The following LSAMP variants were observed in gnomAD, a reference collection of about 807,000 sequenced individuals.
The protein encoded by LSAMP is limbic system associated membrane protein.
Under a neutral mutation model 38.6 loss-of-function variants are expected in LSAMP, and 7 were observed. The observed-to-expected ratio is 0.18, with a 90% CI of 0.10 to 0.34. The LOEUF (loss-of-function observed/expected upper bound fraction) is 0.34. Among genes scored for constraint, LSAMP ranks in the 10% least tolerant of loss-of-function variants. The probability of loss-of-function intolerance (pLI) is 1.00; values close to 1 mark genes in which losing one functional copy is unlikely to be tolerated. For missense variants in LSAMP, 313 were observed against 420.0 expected (o/e 0.75, Z 2.23); for synonymous variants, 154 against 166.8 (o/e 0.92, Z 0.59).
At chr3:116,251,151 C>T (rs891874614) in intron 1 of LSAMP, among the ~76,000 whole-genome samples, 2 of 152,146 alleles carry the variant, frequency 1.3e-5, no homozygotes, top group African/African-American at 4.8e-5. Flanking sequence ...AAACGTGTCC[C>T]TCCCATTTGG....
At chr3:116,026,133 TA>T (rs1940786729) in intron 2 of LSAMP, among the ~76,000 whole-genome samples, 1 of 152,166 alleles carries the variant, frequency 6.6e-6, no homozygotes, top group Non-Finnish European at 1.5e-5. Flanking sequence ...ATTTCTGAAA[TA>T]ATGCCAAAAT....
intron 3 of LSAMP, among the ~76,000 whole-genome samples, chr3:115,858,485 G>A (rs984543633): frequency 1.1e-4 from 17 of 152,062 alleles, no homozygotes; most frequent in African/African-American, 4.1e-4. Context: ...AGTATGTTAG[G>A]AAATGAATGG....
intron 1 of LSAMP, among the ~76,000 whole-genome samples, chr3:116,424,542 G>A (rs1483927079): frequency 2.6e-5 from 4 of 152,186 alleles, no homozygotes; most frequent in Non-Finnish European, 5.9e-5. Flanking sequence ...CCAGAATACG[G>A]CAGTACATGG....
chr3:115,919,746 G>A (rs765110448), intron 3 of LSAMP, among the ~76,000 whole-genome samples: 1 of 152,074 alleles, frequency 6.6e-6, no homozygotes, highest in Non-Finnish European at 1.5e-5. Flanking sequence ...CGAGTAGCTG[G>A]GATTACAGGC....
intron 1 of LSAMP, among the ~76,000 whole-genome samples, chr3:116,129,518 T>A (rs1258456864): frequency 6.6e-6 from 1 of 152,170 alleles, no homozygotes; most frequent in East Asian, 1.9e-4. Flanking sequence ...CACACCACAG[T>A]TATGTGAAGG....
At chr3:116,350,672 A>G (rs771481651) in intron 1 of LSAMP, among the ~76,000 whole-genome samples, 1 of 151,576 alleles carries the variant, frequency 6.6e-6, no homozygotes, top group Non-Finnish European at 1.5e-5. Flanking sequence ...ATAAGTAGTG[A>G]TGCTAGCAAT....
chr3:116,124,951 G>A (rs1030134009), intron 1 of LSAMP, among the ~76,000 whole-genome samples: 3 of 152,162 alleles, frequency 2.0e-5, no homozygotes, highest in African/African-American at 7.2e-5. Flanking sequence ...GGATAAATCC[G>A]ATAACAGTGT....
chr3:116,227,773 T>G (rs979255477), intron 1 of LSAMP, among the ~76,000 whole-genome samples: 16 of 152,260 alleles, frequency 1.1e-4, no homozygotes, highest in Non-Finnish European at 2.1e-4. Flanking sequence ...AACAGAAGAA[T>G]GGAAATAATT....
rs112153161 is a variant in LSAMP at position 116,216,281 on chromosome 3, C to T, written c.156-129725G>A. Among the ~76,000 whole-genome samples, 639 of 152,238 alleles carry T rather than the reference C, an allele frequency of 4.2e-3. 7 individuals carry two copies. Among genetic ancestry groups the T allele is most frequent in the African/African-American group, 0.014 (596 of 41,530 alleles). On this transcript the variant is annotated intron_variant, in intron 1 of 6. Coordinates refer to ENST00000490035, the MANE Select transcript of LSAMP (RefSeq NM_002338.5). ...CATCTCCCATGACTTCCAGACCCATCGCTGTCTGGACCACTCTGTAACGGA... is the reference window on the plus strand; with the variant it reads ...CATCTCCCATGACTTCCAGACCCATTGCTGTCTGGACCACTCTGTAACGGA...
chr3:116,313,891 T>G (rs1447218142), intron 1 of LSAMP, among the ~76,000 whole-genome samples: 2 of 151,448 alleles, frequency 1.3e-5, no homozygotes, highest in African/African-American at 4.9e-5. Flanking sequence ...AAGGCAGAGA[T>G]TGCAGTGAGC....
chr3:116,128,438 C>T (rs943291721), intron 1 of LSAMP, among the ~76,000 whole-genome samples: 20 of 152,148 alleles, frequency 1.3e-4, no homozygotes, highest in Non-Finnish European at 2.5e-4. Flanking sequence ...CCCTTTTATG[C>T]TTAGAAACAC....
intron 1 of LSAMP, among the ~76,000 whole-genome samples, chr3:116,162,136 A>G (rs1339213149): frequency 6.6e-6 from 1 of 152,178 alleles, no homozygotes; most frequent in Non-Finnish European, 1.5e-5. Flanking sequence ...GCATATGAAA[A>G]TGAATTCTAG....
chr3:116,372,129 C>T (rs1576171011), intron 1 of LSAMP, among the ~76,000 whole-genome samples: 1 of 152,080 alleles, frequency 6.6e-6, no homozygotes, highest in Middle Eastern at 3.4e-3. Flanking sequence ...GATACAATCC[C>T]AATCAAAATC....
chr3:116,102,331 G>A (rs187610908), intron 1 of LSAMP, among the ~76,000 whole-genome samples: 2 of 152,270 alleles, frequency 1.3e-5, no homozygotes, highest in East Asian at 3.9e-4. Flanking sequence ...TCAGAATTCT[G>A]TATATCACAT....
intron 6 of LSAMP, among the ~76,000 whole-genome samples, chr3:115,820,551 T>C (rs940195279): frequency 1.3e-5 from 2 of 152,166 alleles, no homozygotes; most frequent in African/African-American, 4.8e-5. Context: ...AGCTAATCTG[T>C]CCTTGATTTT....
rs1284877278 is a variant in LSAMP, at chr3:115,804,827, T to A, written c.*5490A>T. The A allele has an allele frequency of 6.6e-6, 1 of 152,154 alleles. No individual in the cohort carries two copies. The highest frequency in any genetic ancestry group is 1.5e-5 in the Non-Finnish European group (1 of 68,012). 9.4% of individuals were successfully genotyped at this position (152,154 alleles called of 1,614,324 possible). The stretch of plus-strand genomic sequence containing the variant: ...GAGAAAGATAACTCCCAATTAAAAA[T>A]GATTCAGTCCCTCACTTGCAATATT... On this transcript the variant is annotated 3_prime_UTR_variant, in exon 7 of 7. Transcript: ENST00000490035.
chr3:116,137,133 C>T (rs1008372686), intron 1 of LSAMP, among the ~76,000 whole-genome samples: 2 of 152,018 alleles, frequency 1.3e-5, no homozygotes, highest in African/African-American at 4.8e-5. Flanking sequence ...TGGCCTTCTT[C>T]CCAGTGTCTC....
chr3:116,246,456 C>G (rs553516479), intron 1 of LSAMP, among the ~76,000 whole-genome samples: 4 of 152,246 alleles, frequency 2.6e-5, no homozygotes, highest in African/African-American at 9.6e-5. Flanking sequence ...TTTAAAATCT[C>G]CTACCTTTTT....
At chr3:116,246,588 A>G (rs539758285) in intron 1 of LSAMP, among the ~76,000 whole-genome samples, 1 of 152,328 alleles carries the variant, frequency 6.6e-6, no homozygotes, top group South Asian at 2.1e-4. Flanking sequence ...GTGCAGTGCC[A>G]TCTGCTCCTG....
Sources: allele counts gnomAD v4.1 joint callset (sites outside exome capture counted in the v4.1 genomes callset), GRCh38; gene constraint gnomAD v4.1.1; transcripts MANE v1.5; gene names NCBI Gene and HGNC (gene_info 2026-07-23, HGNC 2026-07-21).